The following LRP1B variants were observed in gnomAD, a reference collection of about 807,000 sequenced individuals.
LRP1B encodes the protein low-density lipoprotein receptor-related protein 1B.
Under a neutral mutation model 556.6 loss-of-function variants are expected in LRP1B, and 217 were observed. The observed-to-expected ratio is 0.39, with a 90% confidence interval of 0.35 to 0.44. The LOEUF (loss-of-function observed/expected upper bound fraction) is 0.44. Ranked by LOEUF, LRP1B falls within the 20% of genes least tolerant of loss-of-function variation. LRP1B has a pLI of 1.00. For synonymous variants in LRP1B, 2,047 were observed against 1,865.8 expected, an observed-to-expected ratio of 1.10 and a Z score of -2.50; for missense variants, 5,053 against 5,620.8, an observed-to-expected ratio of 0.90 and a Z score of 3.23.
At chr2:140,922,819 A>C in intron 21 of LRP1B, 146 bp downstream of exon 21, 1 of 570,414 alleles carries the variant, frequency 1.8e-6, no homozygotes, top group East Asian at 3.0e-5. Flanking sequence ...GTTCTCCCTA[A>C]ATGTTAACTA....
intron 3 of LRP1B, among the ~76,000 whole-genome samples, chr2:141,325,516 T>C (rs1687400819): frequency 6.6e-6 from 1 of 152,104 alleles, no homozygotes; most frequent in Non-Finnish European, 1.5e-5. Flanking sequence ...GGTAACATAG[T>C]TCTGTTTGTT....
chr2:141,543,689 C>T (rs1685353243), intron 2 of LRP1B, among the ~76,000 whole-genome samples: 2 of 151,124 alleles, frequency 1.3e-5, no homozygotes, highest in South Asian at 2.1e-4. Flanking sequence ...CACACCACCG[C>T]ACTTCACCCT....
chr2:140,844,574 C>G (rs994018506), intron 29 of LRP1B, among the ~76,000 whole-genome samples: 9 of 151,918 alleles, frequency 5.9e-5, no homozygotes, highest in Non-Finnish European at 7.4e-5. Context: ...TAATATTTTT[C>G]TTTTTGATAA....
In LRP1B at chr2:140,541,974, G is replaced by T; in HGVS notation, c.7195-3C>A. 6.3e-7 allele frequency: 1 copy of T among 1,589,202 alleles called. No homozygotes were observed. Among genetic ancestry groups the T allele is most frequent in the Non-Finnish European group, 8.6e-7 (1 of 1,163,768 alleles). ...CCTGGCCCAGATTTAACTATCACCTGAAATAAATTAAAATACTGTATTTTT... is the reference window on the plus strand; with the variant it reads ...CCTGGCCCAGATTTAACTATCACCTTAAATAAATTAAAATACTGTATTTTT... On this transcript the variant is annotated splice_polypyrimidine_tract_variant and splice_region_variant and intron_variant, in intron 43 of 90. Coordinates refer to ENST00000389484, the MANE Select transcript of LRP1B (RefSeq NM_018557.3).
At chr2:140,567,031 A>G (rs1156256317) in intron 43 of LRP1B, among the ~76,000 whole-genome samples, 1 of 152,116 alleles carries the variant, frequency 6.6e-6, no homozygotes, top group Non-Finnish European at 1.5e-5. Context: ...AAGCAGCGGC[A>G]CATCCCAAGT....
At chr2:141,714,741 G>C (rs1350907926) in intron 2 of LRP1B, among the ~76,000 whole-genome samples, 3 of 152,064 alleles carry the variant, frequency 2.0e-5, no homozygotes, top group Non-Finnish European at 2.9e-5. Flanking sequence ...CTTTCAGACA[G>C]GCCAAGTAGG....
At chr2:140,284,917 TAG>T (rs370313618) in intron 84 of LRP1B, among the ~76,000 whole-genome samples, 7 of 142,090 alleles carry the variant, frequency 4.9e-5, no homozygotes, top group African/African-American at 1.0e-4. Flanking sequence ...CCTATATACC[TAG>T]ATATACCTAG....
At chr2:140,775,570 G>T (rs772587968) in intron 33 of LRP1B, among the ~76,000 whole-genome samples, 3 of 147,906 alleles carry the variant, frequency 2.0e-5, no homozygotes, top group Non-Finnish European at 4.4e-5. Context: ...TGTACTGGCT[G>T]CCATCTCTAA....
At chr2:141,470,445 T>C (rs913715620) in intron 3 of LRP1B, among the ~76,000 whole-genome samples, 1 of 152,190 alleles carries the variant, frequency 6.6e-6, no homozygotes, top group African/African-American at 2.4e-5. Flanking sequence ...AGGGAATATA[T>C]AGTTAGCTGA....
At chr2:140,357,948 C>T (rs113220201) in intron 74 of LRP1B, 31 bp downstream of exon 74, 191 of 1,591,930 alleles carry the variant, frequency 1.2e-4, no homozygotes, top group Middle Eastern at 6.7e-4. Context: ...TTGTGTATCC[C>T]GGTGCTTTGC....
At chr2:142,002,529 T>C (rs1323587265) in intron 1 of LRP1B, among the ~76,000 whole-genome samples, 2 of 151,206 alleles carry the variant, frequency 1.3e-5, no homozygotes, top group Non-Finnish European at 2.9e-5. Context: ...TTAAAATCTA[T>C]CTAGTATGGG....
intron 35 of LRP1B, among the ~76,000 whole-genome samples, chr2:140,750,634 A>C (rs1243484204): frequency 6.6e-6 from 1 of 152,148 alleles, no homozygotes; most frequent in Non-Finnish European, 1.5e-5. Context: ...CCAGTTGAGA[A>C]ACTTAAGTCC....
chr2:141,128,746 G>A (rs1403595889), intron 7 of LRP1B, among the ~76,000 whole-genome samples: 1 of 152,014 alleles, frequency 6.6e-6, no homozygotes, highest in African/African-American at 2.4e-5. Flanking sequence ...TCAGCCTCCC[G>A]AGTAGCTGGG....
intron 3 of LRP1B, among the ~76,000 whole-genome samples, chr2:141,369,807 T>C (rs72983119): frequency 0.065 from 9,906 of 152,228 alleles, 445 homozygotes; most frequent in African/African-American, 0.12. Context: ...TGATTTACCC[T>C]TCCAAGTCAC....
chr2:141,530,153 T>G (rs1170547302), intron 2 of LRP1B, among the ~76,000 whole-genome samples: 1 of 152,158 alleles, frequency 6.6e-6, no homozygotes, highest in African/African-American at 2.4e-5. Flanking sequence ...TTATTGATTT[T>G]TCTAGCAGAA....
chr2:141,546,616 C>T (rs572340541), intron 2 of LRP1B, among the ~76,000 whole-genome samples: 2 of 152,254 alleles, frequency 1.3e-5, no homozygotes, highest in Admixed American at 6.5e-5. Flanking sequence ...TGAGGAATTA[C>T]ATATCATTTA....
intron 5 of LRP1B, 58 bp downstream of exon 5, chr2:141,247,168 A>C: frequency 5.6e-6 from 9 of 1,598,794 alleles, no homozygotes; most frequent in Non-Finnish European, 7.7e-6. Context: ...ATGAAAAAGA[A>C]TTGTAAAAAG....
chr2:140,965,549 G>T (rs1009548963), intron 18 of LRP1B, among the ~76,000 whole-genome samples: 44 of 22,246 alleles, frequency 2.0e-3, no homozygotes, highest in African/African-American at 3.4e-3. Flanking sequence ...TTTCTAAATT[G>T]ATTTTCTTTT....
chr2:140,413,754 T>A (rs1685062483), intron 66 of LRP1B, among the ~76,000 whole-genome samples: 1 of 152,170 alleles, frequency 6.6e-6, no homozygotes, highest in African/African-American at 2.4e-5. Flanking sequence ...GCAGGAGATG[T>A]TGGCACATAA....
Sources: allele counts gnomAD v4.1 joint callset (sites outside exome capture counted in the v4.1 genomes callset), GRCh38; gene constraint gnomAD v4.1.1; transcripts MANE v1.5; gene names NCBI Gene and HGNC (gene_info 2026-07-23, HGNC 2026-07-21).